The following RPA3 variants were observed in gnomAD, a reference collection of about 807,000 sequenced individuals.
RPA3 encodes replication protein A3.
In RPA3, 24 loss-of-function variants were observed where a neutral mutation model predicts 13.7. The ratio of observed to expected loss-of-function variants is 1.75; its 90% confidence interval spans 1.27 to 2.46. The LOEUF (loss-of-function observed/expected upper bound fraction) is 2.46, where lower values mean the gene tolerates loss of function less well. Among genes scored for constraint, RPA3 ranks in the 30% most tolerant of loss-of-function variants. The probability of loss-of-function intolerance (pLI) is 0.00; values close to 1 mark genes in which losing one functional copy is unlikely to be tolerated. For missense variants in RPA3, 183 were observed against 151.0 expected, an observed-to-expected ratio of 1.21 and a Z score of -1.11; for synonymous variants, 59 against 51.2, an observed-to-expected ratio of 1.15 and a Z score of -0.65.
At chr7:7,645,145 G>T (rs1334900340) in intron 4 of RPA3, among the ~76,000 whole-genome samples, 15 of 151,154 alleles carry the variant, frequency 9.9e-5, no homozygotes, top group African/African-American at 3.2e-4. Context: ...AGTTTTTTTT[G>T]GAATTTTCTA....
rs1285189622 is a variant in RPA3, at chr7:7,640,825, C to G, written c.-407G>C. ...GGGACTGCGGGGCCAGCCTCAGGTA[C>G]CTCGTCTCGCGGGAGGCGCCGCAAC... is the stretch of plus-strand genomic sequence containing the variant. On this transcript the variant is annotated 5_prime_UTR_variant, in exon 5 of 8. Coordinates refer to ENST00000223129, the MANE Select transcript of RPA3 (RefSeq NM_002947.5). The G allele has an allele frequency of 5.1e-6, 1 of 196,584 alleles. No homozygotes were observed. The highest frequency in any genetic ancestry group is 2.4e-5 in the African/African-American group (1 of 42,342). The allele number at this position is 196,584 out of a possible 1,614,324, so 12.2% of individuals were successfully genotyped here.
At chr7:7,643,748 T>A (rs1785031768) in intron 4 of RPA3, among the ~76,000 whole-genome samples, 1 of 116,270 alleles carries the variant, frequency 8.6e-6, no homozygotes. Flanking sequence ...AAAAAAAGGA[T>A]CAACGGTTAA....
intron 3 of RPA3, among the ~76,000 whole-genome samples, chr7:7,686,861 A>G (rs1211465236): frequency 6.6e-6 from 1 of 152,212 alleles, no homozygotes; most frequent in East Asian, 1.9e-4. Flanking sequence ...TTTTAAAAAC[A>G]CACTGCTGTG....
intron 2 of RPA3, among the ~76,000 whole-genome samples, chr7:7,714,943 A>C (rs561104309): frequency 2.0e-5 from 3 of 151,418 alleles, no homozygotes; most frequent in South Asian, 2.1e-4. Context: ...CACTAGAATT[A>C]AACAACAACA....
intron 4 of RPA3, among the ~76,000 whole-genome samples, chr7:7,674,676 TGAC>T (rs746390227): frequency 7.2e-5 from 11 of 152,202 alleles, no homozygotes; most frequent in Non-Finnish European, 1.6e-4. Context: ...ATTGCTAATA[TGAC>T]CCTTCCTTCA....
intron 4 of RPA3, among the ~76,000 whole-genome samples, chr7:7,663,284 C>CTTCCTTTGTT (rs1554311410): frequency 1.5e-5 from 1 of 66,298 alleles, no homozygotes; most frequent in African/African-American, 5.4e-5. Context: ...ATAGTTTTTT[C>CTTCCTTTGTT]TTTCTTTGTT....
At chr7:7,656,650 TC>T (rs368945999) in intron 4 of RPA3, among the ~76,000 whole-genome samples, 29 of 152,310 alleles carry the variant, frequency 1.9e-4, no homozygotes, top group Middle Eastern at 3.4e-3. Flanking sequence ...ATGAACTCAT[TC>T]TTTTTTATGG....
chr7:7,643,764 A>T (rs6955624), intron 4 of RPA3, among the ~76,000 whole-genome samples: 124,428 of 149,402 alleles, frequency 0.83, 51,843 homozygotes, highest in East Asian at 0.89. Flanking sequence ...GTTAAATCGG[A>T]CACTTGACCT....
At chr7:7,706,881 T>C (rs1780615571) in intron 2 of RPA3, among the ~76,000 whole-genome samples, 1 of 152,186 alleles carries the variant, frequency 6.6e-6, no homozygotes, top group Non-Finnish European at 1.5e-5. Context: ...ATAAAATCCA[T>C]TGCAGCACAA....
chr7:7,652,891 G>A (rs141262102), intron 4 of RPA3, among the ~76,000 whole-genome samples: 3 of 152,338 alleles, frequency 2.0e-5, no homozygotes, highest in South Asian at 2.1e-4. Context: ...GATGTTGAAT[G>A]TGATGGCTTC....
chr7:7,701,470 T>A (rs1468532865), intron 2 of RPA3, among the ~76,000 whole-genome samples: 1 of 152,226 alleles, frequency 6.6e-6, no homozygotes, highest in African/African-American at 2.4e-5. Context: ...CGTTGTTTGC[T>A]AGAGACTTTC....
At chr7:7,681,710 T>G (rs1779917272) in intron 4 of RPA3, among the ~76,000 whole-genome samples, 1 of 152,260 alleles carries the variant, frequency 6.6e-6, no homozygotes, top group South Asian at 2.1e-4. Context: ...ATACTACTAT[T>G]TAAAAATCCA....
At chr7:7,678,186 C>G (rs1453412473) in intron 4 of RPA3, among the ~76,000 whole-genome samples, 1 of 151,824 alleles carries the variant, frequency 6.6e-6, no homozygotes, top group Non-Finnish European at 1.5e-5. Context: ...ACTGGCTGTA[C>G]TAATTTACAT....
Position 7,640,334 on chromosome 7 carries a change from C to T in RPA3, c.85G>A (p.Gly29Arg). Residue 29 changes from glycine to arginine, a missense_variant, in exon 5 of 8, where the codon GGG becomes AGG. Physicochemically the swap from Gly to Arg is moderately radical, Grantham distance 125. Transcript: ENST00000223129. The part of the protein sequence containing the change: ...QFIDKPVCFV[G>R]RLEKIHPTGK... ...AACCCGCACACCTTTTCCAGCCTCC[C>T]TACGAAGCAGACAGGCTTGTCGATG... 1 of 1,614,052 alleles carries T rather than the reference C, an allele frequency of 6.2e-7. No individual in the cohort carries two copies. The highest frequency in any genetic ancestry group is 2.2e-5 in the East Asian group (1 of 44,884).
chr7:7,648,791 T>A (rs1785154662), intron 4 of RPA3, among the ~76,000 whole-genome samples: 1 of 151,520 alleles, frequency 6.6e-6, no homozygotes, highest in Non-Finnish European at 1.5e-5. Flanking sequence ...AGGTGGAGGT[T>A]GCAGTGAGCT....
intron 2 of RPA3, among the ~76,000 whole-genome samples, chr7:7,708,900 A>T (rs186292127): frequency 8.0e-4 from 121 of 151,746 alleles, no homozygotes; most frequent in African/African-American, 2.6e-3. Context: ...TTTAACCAGC[A>T]AGGGGTGTGT....
rs551202894 is a variant in RPA3 at position 7,644,884 on chromosome 7, T to C, written c.-757-3709A>G. Among the ~76,000 whole-genome samples the C allele has an allele frequency of 3.8e-4, 58 of 152,350 alleles. 1 individual carries two copies. The South Asian group carries it at 7.2e-3, about 19-fold the overall frequency. ...GTTGGAATTTTGATCAAAATTGCAC[T>C]GTATCCTTGGATGTATTTCAGGAAA... On this transcript the variant is annotated intron_variant, in intron 4 of 7. Transcript: ENST00000223129.
rs1452783992 is a variant in RPA3, at chr7:7,636,677, G to C, written c.*323C>G. 1 of 214,484 alleles carries C rather than the reference G, an allele frequency of 4.7e-6. No individual in the cohort carries two copies. The highest frequency in any genetic ancestry group is 9.1e-6 in the Non-Finnish European group (1 of 109,386). The allele number at this position is 214,484 out of a possible 1,614,324, so 13.3% of individuals were successfully genotyped here. A position where few individuals can be genotyped will look rare whatever the true frequency, so the allele number is the denominator to read the frequency against. ...GCTATGAAATTTCAAGTTTGTGCTT[G>C]AATACATGATTAAAAGAATGAAAAT... On this transcript the variant is annotated 3_prime_UTR_variant, in exon 8 of 8. Transcript: ENST00000223129.
intron 2 of RPA3, among the ~76,000 whole-genome samples, chr7:7,703,359 A>AT (rs1780516186): frequency 1.3e-5 from 2 of 152,080 alleles, no homozygotes; most frequent in African/African-American, 2.4e-5. Flanking sequence ...TGAAGAAGAG[A>AT]TTTTCCATCT....
Sources: allele counts gnomAD v4.1 joint callset (sites outside exome capture counted in the v4.1 genomes callset), GRCh38; gene constraint gnomAD v4.1.1; transcripts MANE v1.5; gene names NCBI Gene and HGNC (gene_info 2026-07-23, HGNC 2026-07-21).